The following EAF2 variants were observed in gnomAD, a reference collection of about 807,000 sequenced individuals.
EAF2 encodes the protein ELL associated factor 2.
Under a neutral mutation model 29.4 loss-of-function variants are expected in EAF2, and 29 were observed. The ratio of observed to expected loss-of-function variants is 0.99; its 90% CI spans 0.73 to 1.35. The LOEUF (loss-of-function observed/expected upper bound fraction) is 1.35. Ranked by LOEUF, EAF2 falls within the 40% of genes most tolerant of loss-of-function variation. The probability of loss-of-function intolerance (pLI) is 0.00; values close to 1 mark genes in which losing one functional copy is unlikely to be tolerated. For missense variants in EAF2, 292 were observed against 312.0 expected, an observed-to-expected ratio of 0.94 and a Z score of 0.48; for synonymous variants, 103 against 102.5, an observed-to-expected ratio of 1.00 and a Z score of -0.03.
At position 121,856,943 on chromosome 3, in the gene EAF2, C is replaced by G. The variant is rs1345867796; in HGVS notation, c.339-68C>G. 3 of 1,413,562 alleles carry G rather than the reference C, an allele frequency of 2.1e-6. No homozygotes were observed. In the East Asian group the frequency reaches 7.0e-5, roughly 33 times the overall value. The allele number at this position is 1,413,562 out of a possible 1,614,324, so 87.6% of individuals were successfully genotyped here. A position where few individuals can be genotyped will look rare whatever the true frequency, so the allele number is the denominator to read the frequency against. On this transcript the variant is annotated intron_variant, in intron 3 of 5. Transcript: ENST00000273668. ...AAGAATAAGTGGTCAGTTTTAGTAACTTTGTAAGTTAAATTTTTGTTACAT... is the reference window on the plus strand; with the variant it reads ...AAGAATAAGTGGTCAGTTTTAGTAAGTTTGTAAGTTAAATTTTTGTTACAT...
intron 4 of EAF2, among the ~76,000 whole-genome samples, chr3:121,862,820 TA>T (rs1348778435): frequency 6.6e-6 from 1 of 152,194 alleles, no homozygotes; most frequent in Non-Finnish European, 1.5e-5. Context: ...AAAAGGTAGA[TA>T]AAGGTTTTAT....
In EAF2 at chr3:121,876,107, C is replaced by A. The variant is rs1158927769; in HGVS notation, c.736+3319C>A. Among the ~76,000 whole-genome samples, 5 of 151,778 alleles carry A rather than the reference C, an allele frequency of 3.3e-5. No homozygotes were observed. The East Asian group carries it at 7.7e-4, about 23-fold the overall frequency. On this transcript the variant is annotated intron_variant, in intron 5 of 5. Coordinates refer to ENST00000273668, the MANE Select transcript of EAF2 (RefSeq NM_018456.6). ...GGTAAATAAAAATAAATCTAGACCT[C>A]AAAACATGATAGTGAAACTACACAA...
At chr3:121,871,676 A>G (rs555435412) in intron 4 of EAF2, among the ~76,000 whole-genome samples, 1 of 152,176 alleles carries the variant, frequency 6.6e-6, no homozygotes, top group African/African-American at 2.4e-5. Context: ...AACTTAATGT[A>G]GCAGTGTACT....
At chr3:121,846,409 A>G (rs185549161) in intron 2 of EAF2, among the ~76,000 whole-genome samples, 2 of 152,344 alleles carry the variant, frequency 1.3e-5, no homozygotes, top group Non-Finnish European at 2.9e-5. Flanking sequence ...CTGTTATGAA[A>G]AATTGTTCAG....
intron 4 of EAF2, among the ~76,000 whole-genome samples, chr3:121,862,957 T>A (rs1044690305): frequency 1.3e-5 from 2 of 152,172 alleles, no homozygotes; most frequent in African/African-American, 2.4e-5. Flanking sequence ...TTGCTGGAGG[T>A]GCACTCCAGA....
chr3:121,873,849 A>G (rs1448873666), intron 5 of EAF2, among the ~76,000 whole-genome samples: 1 of 151,802 alleles, frequency 6.6e-6, no homozygotes, highest in African/African-American at 2.4e-5. Context: ...CTTCCTCTAG[A>G]AAGTCTTCAC....
At chr3:121,873,740 T>C (rs1299760661) in intron 5 of EAF2, among the ~76,000 whole-genome samples, 1 of 151,914 alleles carries the variant, frequency 6.6e-6, no homozygotes, top group Admixed American at 6.6e-5. Flanking sequence ...TCAAATACTT[T>C]CACTCACATC....
chr3:121,855,179 G>A (rs1708698476), intron 3 of EAF2, among the ~76,000 whole-genome samples: 1 of 152,100 alleles, frequency 6.6e-6, no homozygotes, highest in South Asian at 2.1e-4. Context: ...GGATGTGTAA[G>A]GTACTAGAAA....
chr3:121,882,147 A>C (rs4676762), intron 5 of EAF2, among the ~76,000 whole-genome samples: 1 of 151,952 alleles, frequency 6.6e-6, no homozygotes, highest in African/African-American at 2.4e-5. Context: ...CCAGGAGTTC[A>C]AGACCAGCCT....
chr3:121,851,511 T>C (rs909013426), intron 2 of EAF2, among the ~76,000 whole-genome samples: 7 of 152,176 alleles, frequency 4.6e-5, no homozygotes, highest in African/African-American at 1.7e-4. Context: ...CAGTTTTGTC[T>C]TTTGGTTGAC....
chr3:121,854,613 T>C, intron 2 of EAF2, 74 bp from the exon 3 acceptor site: 1 of 1,264,812 alleles, frequency 7.9e-7, no homozygotes, highest in Non-Finnish European at 1.0e-6. Context: ...AAACCCAGAA[T>C]CAAGATTTCA....
At chr3:121,854,552 G>C (rs1708685655) in intron 2 of EAF2, 135 bp from the exon 3 acceptor site, 1 of 602,652 alleles carries the variant, frequency 1.7e-6, no homozygotes, top group Non-Finnish European at 2.6e-6. Context: ...TGGATTCAGG[G>C]TAGTAAATTT....
At chr3:121,864,928 G>A (rs1431284367) in intron 4 of EAF2, among the ~76,000 whole-genome samples, 1 of 152,072 alleles carries the variant, frequency 6.6e-6, no homozygotes, top group Non-Finnish European at 1.5e-5. Flanking sequence ...CAAAGAATCA[G>A]ACTTTTTCCT....
At chr3:121,851,168 T>C (rs1363336094) in intron 2 of EAF2, among the ~76,000 whole-genome samples, 2 of 152,022 alleles carry the variant, frequency 1.3e-5, no homozygotes, top group Non-Finnish European at 2.9e-5. Flanking sequence ...AAATAACATA[T>C]GCACGCACTT....
At chr3:121,850,632 T>C (rs182323986) in intron 2 of EAF2, among the ~76,000 whole-genome samples, 31 of 152,302 alleles carry the variant, frequency 2.0e-4, no homozygotes, top group African/African-American at 7.5e-4. Context: ...TTATAGAATA[T>C]CTTCATGTCA....
At chr3:121,875,162 A>C (rs1397980557) in intron 5 of EAF2, among the ~76,000 whole-genome samples, 3 of 151,916 alleles carry the variant, frequency 2.0e-5, no homozygotes, top group Non-Finnish European at 4.4e-5. Context: ...TTCTATTTGA[A>C]GCTAGAGAAT....
At chr3:121,884,628 T>C (rs536689537) in intron 5 of EAF2, among the ~76,000 whole-genome samples, 13 of 152,064 alleles carry the variant, frequency 8.5e-5, no homozygotes, top group Middle Eastern at 3.4e-3. Flanking sequence ...GGTTTCACCA[T>C]GTTGGCCAGG....
intron 1 of EAF2, among the ~76,000 whole-genome samples, chr3:121,835,828 T>C (rs1559813358): frequency 6.6e-6 from 1 of 152,192 alleles, no homozygotes; most frequent in Non-Finnish European, 1.5e-5. Flanking sequence ...CTCTGGCAGA[T>C]GAGGGTTCTT....
At chr3:121,849,309 G>A (rs1434896468) in intron 2 of EAF2, among the ~76,000 whole-genome samples, 1 of 151,930 alleles carries the variant, frequency 6.6e-6, no homozygotes, top group African/African-American at 2.4e-5. Context: ...GGTTTCTATG[G>A]TATTACCAAA....
Sources: gnomAD v4.1 joint callset for allele counts (sites outside exome capture counted in the v4.1 genomes callset) on GRCh38, gnomAD v4.1.1 for gene constraint, MANE v1.5 for transcripts, NCBI Gene and HGNC (gene_info 2026-07-23, HGNC 2026-07-21) for gene names.